MYCBP2: variants seen among roughly 807,000 people sequenced by gnomAD.
MYCBP2 encodes E3 ubiquitin-protein ligase MYCBP2.
A neutral mutation model predicts 525.3 loss-of-function variants in MYCBP2; 120 were observed. The ratio of observed to expected loss-of-function variants is 0.23; its 90% CI spans 0.20 to 0.27. The LOEUF (loss-of-function observed/expected upper bound fraction) is 0.27, where lower values mean the gene tolerates loss of function less well. Among genes scored for constraint, MYCBP2 ranks in the 10% least tolerant of loss-of-function variants. The pLI is 1.00. For synonymous variants in MYCBP2, 1,894 were observed against 1,955.8 expected (o/e 0.97, Z 0.83); for missense variants, 4,149 against 5,657.1 (o/e 0.73, Z 8.55).
intron 15 of MYCBP2, among the ~76,000 whole-genome samples, chr13:77,247,943 A>C (rs186182746): frequency 1.7e-3 from 257 of 152,144 alleles, no homozygotes; most frequent in African/African-American, 5.6e-3. Flanking sequence ...ACAAAAAAAA[A>C]CAAAAAACTC....
Position 77,260,435 on chromosome 13 carries a change from A to G in MYCBP2, c.2010T>C (p.Asp670=). 1 of 1,577,048 alleles carries G rather than the reference A, an allele frequency of 6.3e-7. No individual in the cohort carries two copies. Among genetic ancestry groups the G allele is most frequent in the Middle Eastern group, 1.7e-4 (1 of 5,942 alleles). ...YMFGKDAIYS[D]SSSLVTDLKG... is the part of the protein sequence containing the mutation. Reference sequence around the variant, plus strand: ...AACTTTTTATTAACTTACTTGAACTATCAGAGTAAATGGCATCTTTTCCAA... The same window carrying G: ...AACTTTTTATTAACTTACTTGAACTGTCAGAGTAAATGGCATCTTTTCCAA... Residue 670 remains aspartate, a synonymous_variant, in exon 13 of 83, where the codon GAT becomes GAC. Coordinates refer to ENST00000544440, the MANE Select transcript of MYCBP2 (RefSeq NM_015057.5).
intron 46 of MYCBP2, among the ~76,000 whole-genome samples, chr13:77,154,562 A>G (rs2056977965): frequency 6.6e-6 from 1 of 152,154 alleles, no homozygotes; most frequent in South Asian, 2.1e-4. Flanking sequence ...AAAACACAAG[A>G]AAGAAAATAC....
At chr13:77,145,375 G>A (rs914741711) in intron 48 of MYCBP2, among the ~76,000 whole-genome samples, 1 of 152,136 alleles carries the variant, frequency 6.6e-6, no homozygotes, top group East Asian at 1.9e-4. Context: ...CTTTGTCAGT[G>A]TTTTGTTGCT....
intron 5 of MYCBP2, among the ~76,000 whole-genome samples, chr13:77,271,802 C>T (rs1476062271): frequency 2.0e-5 from 3 of 152,164 alleles, no homozygotes; most frequent in African/African-American, 7.2e-5. Flanking sequence ...GTCTCGGGTA[C>T]ATCTCTATCA....
intron 36 of MYCBP2, 149 bp from the exon 37 acceptor site, chr13:77,174,638 C>A (rs566629667): frequency 3.2e-6 from 2 of 627,446 alleles, no homozygotes; most frequent in Admixed American, 3.0e-5. Flanking sequence ...GAATCAAACA[C>A]GATGACGGCT....
rs763420045 is a variant in MYCBP2 at position 77,169,658 on chromosome 13, G to A, written c.5851C>T (p.Leu1951Phe). The change falls in exon 39 of 83, where the codon CTT becomes TTT. Residue 1951 changes from leucine to phenylalanine, a missense_variant. Transcript: ENST00000544440. The stretch of plus-strand genomic sequence containing the variant: ...ACTGGTCCTATGTAGGCTATAATAA[G>A]GGGGAGCAGCATGGAAAACAGACTG... ...SSSLFSMLLP[L>F]IIAYIGPVAA... 3 of 1,614,018 alleles carry A rather than the reference G, an allele frequency of 1.9e-6. No individual in the cohort carries two copies. Among genetic ancestry groups the A allele is most frequent in the Non-Finnish European group, 2.5e-6 (3 of 1,179,984 alleles).
intron 51 of MYCBP2, among the ~76,000 whole-genome samples, chr13:77,139,648 C>A (rs1406303729): frequency 6.6e-6 from 1 of 152,102 alleles, no homozygotes; most frequent in Non-Finnish European, 1.5e-5. Context: ...GTCTTCCTTC[C>A]CTTATATTTA....
At chr13:77,184,462 A>G (rs929579543) in intron 32 of MYCBP2, among the ~76,000 whole-genome samples, 3 of 152,262 alleles carry the variant, frequency 2.0e-5, no homozygotes, top group Non-Finnish European at 4.4e-5. Flanking sequence ...GTACTTGAAA[A>G]GAATATGTAT....
chr13:77,058,729 G>GTA lies in MYCBP2; in HGVS notation c.13141-325_13141-324dup, dbSNP rs1401819838. 6.6e-6 allele frequency among the ~76,000 whole-genome samples: 1 copy of GTA among 152,104 alleles called. No homozygotes were observed. Among genetic ancestry groups the GTA allele is most frequent in the East Asian group, 1.9e-4 (1 of 5,194 alleles). ...TGGCTGGGAGTCGTGGCTTACACCT[G>GTA]TAATCCCAGCACTTTGGGAGGCTGA... On this transcript the variant is annotated intron_variant, in intron 77 of 82. Coordinates refer to ENST00000544440, the MANE Select transcript of MYCBP2 (RefSeq NM_015057.5). This position sits in a 1 kb window ranked among gnomAD's most constrained non-coding sequence, Gnocchi z 4.1.
intron 1 of MYCBP2, among the ~76,000 whole-genome samples, chr13:77,303,083 C>G (rs1044668508): frequency 6.6e-6 from 1 of 152,134 alleles, no homozygotes; most frequent in African/African-American, 2.4e-5. Flanking sequence ...GCCTGTAATC[C>G]CAGCACTTTG....
intron 37 of MYCBP2, 139 bp downstream of exon 37, chr13:77,174,172 T>C: frequency 1.7e-6 from 1 of 583,960 alleles, no homozygotes; most frequent in Non-Finnish European, 2.8e-6. Context: ...TTTCTTTATA[T>C]GAATTTGTAC....
At chr13:77,165,464 G>A in intron 41 of MYCBP2, 73 bp from the exon 42 acceptor site, 2 of 1,079,042 alleles carry the variant, frequency 1.9e-6, no homozygotes, top group East Asian at 2.4e-5. Context: ...TTTATCCAAT[G>A]GACTTTCTCT....
chr13:77,143,438 C>G (rs2055006065), intron 49 of MYCBP2, among the ~76,000 whole-genome samples: 2 of 152,104 alleles, frequency 1.3e-5, no homozygotes, highest in Non-Finnish European at 2.9e-5. Flanking sequence ...CTCCAGGGTC[C>G]CCAGCATTTA....
intron 26 of MYCBP2, among the ~76,000 whole-genome samples, chr13:77,199,701 G>C (rs1353293281): frequency 6.6e-6 from 1 of 152,190 alleles, no homozygotes; most frequent in Non-Finnish European, 1.5e-5. Flanking sequence ...ATCTGAGAAA[G>C]GGCAGACTGC....
At chr13:77,172,023 C>T (rs1430542258) in intron 37 of MYCBP2, among the ~76,000 whole-genome samples, 2 of 152,108 alleles carry the variant, frequency 1.3e-5, no homozygotes, top group Non-Finnish European at 2.9e-5. Context: ...CCCTCGGCCT[C>T]CCAAATAGCT....
chr13:77,321,292 A>C (rs2081578223), intron 1 of MYCBP2, among the ~76,000 whole-genome samples: 1 of 152,208 alleles, frequency 6.6e-6, no homozygotes, highest in Admixed American at 6.5e-5. Context: ...AATTCATTTC[A>C]CATTTCTACC....
chr13:77,152,881 C>A (rs536391056), intron 46 of MYCBP2, among the ~76,000 whole-genome samples: 3 of 151,788 alleles, frequency 2.0e-5, no homozygotes, highest in African/African-American at 7.3e-5. Flanking sequence ...CTGGCTAACA[C>A]GGTGAAACCC....
chr13:77,073,866 A>G (rs1299705973), intron 68 of MYCBP2, among the ~76,000 whole-genome samples: 2 of 152,156 alleles, frequency 1.3e-5, no homozygotes, highest in Non-Finnish European at 2.9e-5. Context: ...CACTGCTGAG[A>G]GAAATTTTAA....
chr13:77,229,480 T>C (rs1027301383), intron 18 of MYCBP2, among the ~76,000 whole-genome samples: 1 of 152,168 alleles, frequency 6.6e-6, no homozygotes, highest in African/African-American at 2.4e-5. Flanking sequence ...CTTAAATCCT[T>C]TGTAAAAATA....
Sources: gnomAD v4.1 joint callset for allele counts (sites outside exome capture counted in the v4.1 genomes callset) on GRCh38, gnomAD v4.1.1 for gene constraint, Gnocchi (gnomAD v3.1) non-coding constraint, MANE v1.5 for transcripts, NCBI Gene and HGNC (gene_info 2026-07-23, HGNC 2026-07-21) for gene names.